STOX2: variants seen among roughly 807,000 people sequenced by gnomAD.
STOX2 encodes the protein storkhead-box protein 2.
Under a neutral mutation model 60.9 loss-of-function variants are expected in STOX2, and 28 were observed. The ratio of observed to expected loss-of-function variants is 0.46; its 90% CI spans 0.34 to 0.63. The LOEUF (loss-of-function observed/expected upper bound fraction) is 0.63, where lower values mean the gene tolerates loss of function less well. Among genes scored for constraint, STOX2 ranks in the 30% least tolerant of loss-of-function variants. STOX2 has a pLI of 0.01. For missense variants in STOX2, 1,024 were observed against 1,187.7 expected (o/e 0.86, Z 2.03); for synonymous variants, 472 against 463.9 (o/e 1.02, Z -0.22).
intron 1 of STOX2, among the ~76,000 whole-genome samples, chr4:183,872,163 T>G (rs886215215): frequency 1.3e-4 from 20 of 152,246 alleles, no homozygotes; most frequent in African/African-American, 4.6e-4. Flanking sequence ...CAAGCAATTC[T>G]CCTACCTCAG....
intron 1 of STOX2, among the ~76,000 whole-genome samples, chr4:183,952,215 T>C (rs1247903220): frequency 1.3e-5 from 2 of 152,200 alleles, no homozygotes; most frequent in Non-Finnish European, 2.9e-5. Context: ...CACATGCTAC[T>C]TTTTTTATGG....
At chr4:183,882,324 T>C (rs1198332792) in intron 1 of STOX2, among the ~76,000 whole-genome samples, 1 of 152,212 alleles carries the variant, frequency 6.6e-6, no homozygotes, top group African/African-American at 2.4e-5. Flanking sequence ...TTGATCTTTA[T>C]GGGTTCCTGA....
intron 1 of STOX2, among the ~76,000 whole-genome samples, chr4:183,925,200 G>A (rs145057962): frequency 6.6e-6 from 1 of 152,162 alleles, no homozygotes; most frequent in African/African-American, 2.4e-5. Flanking sequence ...TATATGAGAA[G>A]GTGAAAGCAC....
At chr4:183,976,083 C>A (rs1161398942) in intron 1 of STOX2, among the ~76,000 whole-genome samples, 1 of 152,194 alleles carries the variant, frequency 6.6e-6, no homozygotes, top group Non-Finnish European at 1.5e-5. Flanking sequence ...GAGGCCAAGG[C>A]AGGCAGATCA....
chr4:183,920,202 G>A (rs1287889409), intron 1 of STOX2, among the ~76,000 whole-genome samples: 3 of 151,900 alleles, frequency 2.0e-5, no homozygotes, highest in Non-Finnish European at 4.4e-5. Flanking sequence ...TGCAACCTCC[G>A]CCTCCTGGGT....
chr4:183,892,182 C>A (rs755605862), intron 1 of STOX2, among the ~76,000 whole-genome samples: 2 of 152,236 alleles, frequency 1.3e-5, no homozygotes, highest in African/African-American at 4.8e-5. Flanking sequence ...GAGATGGCTC[C>A]GGGCCGCCCT....
At chr4:183,852,169 G>A (rs1327594932) in intron 1 of STOX2, among the ~76,000 whole-genome samples, 14 of 144,780 alleles carry the variant, frequency 9.7e-5, no homozygotes, top group African/African-American at 3.4e-4. Flanking sequence ...ATGAGGGAAA[G>A]GATGAGGGAA....
chr4:183,807,714 G>A (rs1335199009), intron 1 of STOX2, among the ~76,000 whole-genome samples: 2 of 152,216 alleles, frequency 1.3e-5, no homozygotes, highest in Non-Finnish European at 2.9e-5. Flanking sequence ...GGGAGGTGGG[G>A]TAGGCAGGTG....
chr4:183,910,902 C>T (rs950482681), intron 1 of STOX2, among the ~76,000 whole-genome samples: 3 of 152,118 alleles, frequency 2.0e-5, no homozygotes, highest in Non-Finnish European at 4.4e-5. Flanking sequence ...TTCTGGGGCA[C>T]GTTTGACTGT....
chr4:183,995,253 G>A, intron 1 of STOX2, among the ~76,000 whole-genome samples: 1 of 141,246 alleles, frequency 7.1e-6, no homozygotes, highest in East Asian at 2.3e-4. Context: ...TGCAAAAAGT[G>A]AAAATGCCAC....
chr4:183,898,508 A>G (rs1741390991), intron 1 of STOX2, among the ~76,000 whole-genome samples: 2 of 152,238 alleles, frequency 1.3e-5, no homozygotes, highest in Non-Finnish European at 2.9e-5. Flanking sequence ...TTGGAGATCC[A>G]GGAGAGAGGC....
At chr4:183,897,027 C>T (rs1741353274) in intron 1 of STOX2, among the ~76,000 whole-genome samples, 1 of 152,172 alleles carries the variant, frequency 6.6e-6, no homozygotes. Flanking sequence ...AGAGAACTTG[C>T]TCTGCCTGTT....
chr4:183,834,373 T>C (rs1739650800), intron 1 of STOX2, among the ~76,000 whole-genome samples: 1 of 152,124 alleles, frequency 6.6e-6, no homozygotes, highest in Non-Finnish European at 1.5e-5. Context: ...GTGGCTTATT[T>C]TCCCCAGCCA....
chr4:183,811,763 C>T (rs1366465690), intron 1 of STOX2, among the ~76,000 whole-genome samples: 1 of 152,142 alleles, frequency 6.6e-6, no homozygotes, highest in Non-Finnish European at 1.5e-5. Context: ...CCTCTCCTCT[C>T]TTTCTTCTTT....
intron 1 of STOX2, among the ~76,000 whole-genome samples, chr4:183,937,804 A>G (rs6813713): frequency 0.68 from 103,402 of 152,146 alleles, 35,389 homozygotes; most frequent in Non-Finnish European, 0.73. Flanking sequence ...GGAATTGATT[A>G]AAGATGAATT....
At chr4:183,887,560 G>A (rs1741112510) in intron 1 of STOX2, among the ~76,000 whole-genome samples, 1 of 152,152 alleles carries the variant, frequency 6.6e-6, no homozygotes, top group African/African-American at 2.4e-5. Flanking sequence ...TCCCTGCTGA[G>A]CGCCCTGCAT....
intron 1 of STOX2, among the ~76,000 whole-genome samples, chr4:183,911,598 T>G (rs1050166651): frequency 5.3e-5 from 8 of 152,332 alleles, no homozygotes; most frequent in African/African-American, 1.7e-4. Context: ...TTTTACATTC[T>G]TTCTAATGTT....
intron 1 of STOX2, among the ~76,000 whole-genome samples, chr4:183,871,327 A>T (rs1332045935): frequency 1.3e-5 from 2 of 152,196 alleles, no homozygotes; most frequent in Non-Finnish European, 2.9e-5. Context: ...TTTGGTAGGC[A>T]TTTCCTGCTC....
chr4:183,798,747 G>A (rs1196597962), intron 1 of STOX2: 1 of 985,288 alleles, frequency 1.0e-6, no homozygotes, highest in African/African-American at 1.7e-5. Context: ...ACGTAAAGAG[G>A]GGCAGAGTCG....
Sources: allele counts gnomAD v4.1 joint callset (sites outside exome capture counted in the v4.1 genomes callset), GRCh38; gene constraint gnomAD v4.1.1; transcripts MANE v1.5; gene names NCBI Gene and HGNC (gene_info 2026-07-23, HGNC 2026-07-21).